The following SLC25A48 variants were observed in gnomAD, a reference collection of about 807,000 sequenced individuals.
The protein encoded by SLC25A48 is CTC-321K16.1.
A neutral mutation model predicts 32.2 loss-of-function variants in SLC25A48; 29 were observed. That is an observed-to-expected ratio of 0.90 (90% CI 0.67 to 1.23). The LOEUF is 1.23. Among genes scored for constraint, SLC25A48 ranks in the 50% most tolerant of loss-of-function variants. The pLI, the probability that SLC25A48 is intolerant of heterozygous loss-of-function variation, is 0.00. For missense variants in SLC25A48, 399 were observed against 422.7 expected, an observed-to-expected ratio of 0.94 and a Z score of 0.49; for synonymous variants, 164 against 172.3, an observed-to-expected ratio of 0.95 and a Z score of 0.38.
At chr5:135,873,911 G>A in intron 5 of SLC25A48, 110 bp from the exon 6 acceptor site, 1 of 1,244,668 alleles carries the variant, frequency 8.0e-7, no homozygotes, top group Non-Finnish European at 1.1e-6. Context: ...CCTGAGCTCT[G>A]TCCCTTCTCC....
intron 1 of SLC25A48, 80 bp downstream of exon 1, chr5:135,834,973 C>A: frequency 6.7e-7 from 1 of 1,484,654 alleles, no homozygotes; most frequent in South Asian, 1.2e-5. Flanking sequence ...GGAAACTTTG[C>A]CTCTGTGCGC....
At chr5:135,579,675 T>A (rs1275926942) in intron 1 of SLC25A48, 2 of 151,438 alleles carry the variant, frequency 1.3e-5, no homozygotes, top group Non-Finnish European at 2.9e-5. Context: ...CTCCTTAAAG[T>A]GGGTCAGTGG....
In SLC25A48 at chr5:135,871,599, G is replaced by C; in HGVS notation, c.560G>C (p.Arg187Thr). The C allele has an allele frequency of 6.2e-7, 1 of 1,614,216 alleles. No individual in the cohort carries two copies. The highest frequency in any genetic ancestry group is 1.3e-5 in the African/African-American group (1 of 75,062). ...LYRGASAMLLRDVPGYCLYFI... is the reference protein window; with the variant it reads ...LYRGASAMLLTDVPGYCLYFI... ...CGGGGGGCCAGTGCCATGCTGCTGA[G>C]GGATGTCCCAGGCTATTGCCTCTAC... The change falls in exon 5 of 8, where the codon AGG becomes ACG. Residue 187 changes from arginine (R) to threonine (T), a missense_variant. Arg to Thr is a moderately conservative substitution (Grantham distance 71). Transcript: ENST00000681962.
At chr5:135,603,268 G>A (rs535245748) in intron 1 of SLC25A48, among the ~76,000 whole-genome samples, 14 of 152,312 alleles carry the variant, frequency 9.2e-5, no homozygotes, top group African/African-American at 3.4e-4. Context: ...ATCCTTTTAG[G>A]AATTCCAGAC....
rs556163469 is a variant in SLC25A48, at chr5:135,652,943, G to A, written c.-521+17987G>A. Among the ~76,000 whole-genome samples the A allele has an allele frequency of 1.5e-3, 222 of 152,298 alleles. 1 individual carries two copies. Among genetic ancestry groups the A allele is most frequent in the African/African-American group, 5.1e-3 (214 of 41,554 alleles). ...TGGGAAGTAGGGCCTAATGCAAGGT[G>A]TTTAGGTCATGAGGCCTCCACCTTA... On this transcript the variant is annotated intron_variant, in intron 3 of 10. Transcript: ENST00000646290.
chr5:135,818,467 A>G, intron 4 of SLC25A48, among the ~76,000 whole-genome samples: 1 of 152,224 alleles, frequency 6.6e-6, no homozygotes, highest in East Asian at 1.9e-4. Flanking sequence ...CCTAATTGCT[A>G]AATAATGCAT....
chr5:135,779,962 T>C lies in SLC25A48; in HGVS notation c.-520-32561T>C, dbSNP rs558094719. ...GGTAAAGAATAATATTACTCCCAAGTTCGCAGGGGCATACATCCAATACCC... is the reference window on the plus strand; with the variant it reads ...GGTAAAGAATAATATTACTCCCAAGCTCGCAGGGGCATACATCCAATACCC... On this transcript the variant is annotated intron_variant, in intron 3 of 10. Coordinates refer to the SLC25A48 transcript ENST00000646290. Among the ~76,000 whole-genome samples, 3 of 115,818 alleles carry C rather than the reference T, an allele frequency of 2.6e-5. 1 individual carries two copies. The South Asian group carries it at 9.4e-4, about 36-fold the overall frequency. 76.0% of individuals were successfully genotyped at this position (115,818 alleles called of 152,430 possible).
At chr5:135,872,140 G>C in intron 5 of SLC25A48, 1 of 526,622 alleles carries the variant, frequency 1.9e-6, no homozygotes, top group Non-Finnish European at 2.9e-6. Flanking sequence ...GCCAATCCCA[G>C]GTCATACAGC....
chr5:135,662,575 C>T (rs930736421), intron 3 of SLC25A48, among the ~76,000 whole-genome samples: 6 of 152,146 alleles, frequency 3.9e-5, no homozygotes, highest in African/African-American at 1.4e-4. Context: ...GGGGAGACCC[C>T]TGGGCCTGGG....
chr5:135,693,634 T>A (rs1754197343), intron 3 of SLC25A48, among the ~76,000 whole-genome samples: 1 of 152,228 alleles, frequency 6.6e-6, no homozygotes, highest in Non-Finnish European at 1.5e-5. Context: ...GCTGAAGCCC[T>A]GTTACCACCT....
chr5:135,594,328 G>GA, intron 1 of SLC25A48, among the ~76,000 whole-genome samples: 1 of 152,310 alleles, frequency 6.6e-6, no homozygotes, highest in East Asian at 1.9e-4. Flanking sequence ...GAGGCTTGGT[G>GA]AAACCTGACA....
At chr5:135,845,045 C>A (rs1176695573) in intron 2 of SLC25A48, among the ~76,000 whole-genome samples, 1 of 152,242 alleles carries the variant, frequency 6.6e-6, no homozygotes, top group Non-Finnish European at 1.5e-5. Flanking sequence ...CAAATAACCA[C>A]AAACTGGGTG....
chr5:135,795,859 G>T (rs1757156889), intron 3 of SLC25A48, among the ~76,000 whole-genome samples: 1 of 148,646 alleles, frequency 6.7e-6, no homozygotes, highest in South Asian at 2.1e-4. Flanking sequence ...CGCTGGAGTT[G>T]TACATCCCCG....
chr5:135,580,596 GCCAA>G (rs1561743603), intron 1 of SLC25A48, among the ~76,000 whole-genome samples: 4 of 152,186 alleles, frequency 2.6e-5, no homozygotes, highest in African/African-American at 9.7e-5. Flanking sequence ...CTAAAGCAAA[GCCAA>G]TAGCTGGACA....
intron 5 of SLC25A48, among the ~76,000 whole-genome samples, chr5:135,872,969 G>A (rs539449215): frequency 1.3e-5 from 2 of 152,318 alleles, no homozygotes; most frequent in African/African-American, 4.8e-5. Context: ...CAGAGAGGAC[G>A]GCAAGGCCCC....
At chr5:135,689,352 TA>T (rs1754091686) in intron 3 of SLC25A48, among the ~76,000 whole-genome samples, 1 of 152,210 alleles carries the variant, frequency 6.6e-6, no homozygotes, top group African/African-American at 2.4e-5. Context: ...ACCCTCCTTC[TA>T]CAGCCCATGG....
intron 3 of SLC25A48, among the ~76,000 whole-genome samples, chr5:135,646,203 G>A (rs1004156546): frequency 9.2e-5 from 14 of 152,184 alleles, no homozygotes; most frequent in African/African-American, 3.4e-4. Context: ...ACTGCAGGCA[G>A]GGGTGTTGGT....
At chr5:135,796,961 C>T (rs1757196796) in intron 3 of SLC25A48, among the ~76,000 whole-genome samples, 1 of 151,634 alleles carries the variant, frequency 6.6e-6, no homozygotes, top group African/African-American at 2.4e-5. Context: ...TGATATTTCT[C>T]CCAATATCAA....
chr5:135,871,786 C>T (rs1331692687), intron 5 of SLC25A48, 68 bp downstream of exon 5: 1 of 1,591,976 alleles, frequency 6.3e-7, no homozygotes, highest in Non-Finnish European at 8.6e-7. Flanking sequence ...TGGGGAACTG[C>T]CATGCCCTTC....
Sources: allele counts gnomAD v4.1 joint callset (sites outside exome capture counted in the v4.1 genomes callset), GRCh38; gene constraint gnomAD v4.1.1; transcripts MANE v1.5; gene names NCBI Gene and HGNC (gene_info 2026-07-23, HGNC 2026-07-21).